The following LMO3 variants were observed in gnomAD, a reference collection of about 807,000 sequenced individuals.
LMO3 encodes LIM domain only 3.
A neutral mutation model predicts 15.8 loss-of-function variants in LMO3; 2 were observed. That is an observed-to-expected ratio of 0.13 (90% CI 0.05 to 0.40). LMO3 has a LOEUF of 0.40. Ranked by LOEUF, LMO3 falls within the 10% of genes least tolerant of loss-of-function variation. The pLI is 0.99. For missense variants in LMO3, 86 were observed against 182.2 expected (o/e 0.47, Z 3.04); for synonymous variants, 62 against 63.8 (o/e 0.97, Z 0.13).
In LMO3 at chr12:16,587,328, T is replaced by C. The variant is rs1591815187; in HGVS notation, c.206+13327A>G. 1.3e-5 allele frequency among the ~76,000 whole-genome samples: 2 copies of C among 152,336 alleles called. No homozygotes were observed. Among genetic ancestry groups the C allele is most frequent in the Admixed American group, 1.3e-4 (2 of 15,290 alleles). On this transcript the variant is annotated intron_variant, in intron 2 of 3. Transcript: ENST00000537304. This position sits in a 1 kb window ranked among gnomAD's most constrained non-coding sequence, Gnocchi z 4.3. ...CACTGCAGTGTTACAGCTTTCTAAA[T>C]GGTAAGTAACTGTTTAAAAATTCCA...
chr12:16,548,642 G>C lies in LMO3; in HGVS notation c.*2580C>G, dbSNP rs1032005132. On this transcript the variant is annotated 3_prime_UTR_variant, in exon 4 of 4. Transcript: ENST00000537304. The surrounding 1 kb of genome is among the most constrained non-coding windows in gnomAD (Gnocchi z 4.2). ...GGCATCAGACAACAAGCTAAATGACGTTAGGGCTACACAACACAAAGGGGA... is the reference window on the plus strand; with the variant it reads ...GGCATCAGACAACAAGCTAAATGACCTTAGGGCTACACAACACAAAGGGGA... The C allele has an allele frequency of 1.3e-5, 2 of 152,192 alleles. No homozygotes were observed. The highest frequency in any genetic ancestry group is 3.9e-4 in the East Asian group (2 of 5,170). 9.4% of individuals were successfully genotyped at this position (152,192 alleles called of 1,614,324 possible). A position where few individuals can be genotyped will look rare whatever the true frequency, so the allele number is the denominator to read the frequency against.
At chr12:16,572,840 G>C (rs1942862066) in intron 2 of LMO3, among the ~76,000 whole-genome samples, 1 of 151,538 alleles carries the variant, frequency 6.6e-6, no homozygotes, top group Non-Finnish European at 1.5e-5. Flanking sequence ...TTTGCTCTAA[G>C]GATACTACAT....
intron 1 of LMO3, chr12:16,602,316 C>G (rs1278755028): frequency 1.0e-5 from 1 of 96,346 alleles, no homozygotes; most frequent in Non-Finnish European, 2.8e-5. Flanking sequence ...CCCATCACAA[C>G]TTTCACAACC....
At chr12:16,574,048 A>C (rs1481264223) in intron 2 of LMO3, 2 of 152,074 alleles carry the variant, frequency 1.3e-5, no homozygotes, top group Non-Finnish European at 2.9e-5. Context: ...CGAAGTAACA[A>C]ATGTGTCCAC....
intron 2 of LMO3, among the ~76,000 whole-genome samples, chr12:16,571,655 C>T (rs1438992569): frequency 1.3e-5 from 2 of 151,964 alleles, no homozygotes; most frequent in African/African-American, 2.4e-5. Context: ...AATGAGAACT[C>T]AAAGGTTTCA....
chr12:16,589,422 G>C lies in LMO3; in HGVS notation c.206+11233C>G, dbSNP rs1034098684. ...CTTTACTTTTACTTGTGACTTCACAGTAAAAAATTAGGTCGTAGTGCAGAT... is the reference window on the plus strand; with the variant it reads ...CTTTACTTTTACTTGTGACTTCACACTAAAAAATTAGGTCGTAGTGCAGAT... On this transcript the variant is annotated intron_variant, in intron 2 of 3. Coordinates refer to ENST00000537304, the MANE Select transcript of LMO3 (RefSeq NM_018640.5). This position sits in a 1 kb window ranked among gnomAD's most constrained non-coding sequence, Gnocchi z 4.2. 3.3e-5 allele frequency: 5 copies of C among 152,046 alleles called. No homozygotes were observed. Among genetic ancestry groups the C allele is most frequent in the Non-Finnish European group, 7.4e-5 (5 of 67,992 alleles). The allele number at this position is 152,046 out of a possible 1,614,324, so 9.4% of individuals were successfully genotyped here.
At position 16,582,964 on chromosome 12, in the gene LMO3, T is replaced by C. The variant is rs1943207338; in HGVS notation, c.206+17691A>G. Among the ~76,000 whole-genome samples the C allele has an allele frequency of 6.6e-6, 1 of 151,218 alleles. No homozygotes were observed. The highest frequency in any genetic ancestry group is 6.6e-5 in the Admixed American group (1 of 15,132). ...CAGGAGGCTAATGCAGGAAAATCTCTTGAAGCTGGGAGGCAGAGGTTGTAG... is the reference window on the plus strand; with the variant it reads ...CAGGAGGCTAATGCAGGAAAATCTCCTGAAGCTGGGAGGCAGAGGTTGTAG... On this transcript the variant is annotated intron_variant, in intron 2 of 3. Transcript: ENST00000537304. This position sits in a 1 kb window ranked among gnomAD's most constrained non-coding sequence, Gnocchi z 4.1.
rs1042036843 is a variant in LMO3 at position 16,591,372 on chromosome 12, T to C, written c.206+9283A>G. Among the ~76,000 whole-genome samples, 2 of 152,046 alleles carry C rather than the reference T, an allele frequency of 1.3e-5. No individual in the cohort carries two copies. Among genetic ancestry groups the C allele is most frequent in the South Asian group, 4.1e-4 (2 of 4,828 alleles). ...AAGTCACCGTCTCAGTGAGGCTGTC[T>C]GCACCCCCTCCACACAAACCAAAAT... On this transcript the variant is annotated intron_variant, in intron 2 of 3. Transcript: ENST00000537304. The surrounding 1 kb of genome is among the most constrained non-coding windows in gnomAD (Gnocchi z 4.1).
intron 2 of LMO3, among the ~76,000 whole-genome samples, chr12:16,573,127 TCA>T (rs1045226245): frequency 3.9e-5 from 6 of 152,072 alleles, no homozygotes; most frequent in African/African-American, 1.2e-4. Flanking sequence ...CTCAGTCAAA[TCA>T]CAGATAGGAA....
chr12:16,565,638 T>C (rs1419420017), intron 2 of LMO3, among the ~76,000 whole-genome samples: 1 of 152,162 alleles, frequency 6.6e-6, no homozygotes, highest in Non-Finnish European at 1.5e-5. Context: ...TTTCTAATTG[T>C]TGCAGTTAGG....
chr12:16,572,418 ATCT>A (rs1435721971), intron 2 of LMO3, among the ~76,000 whole-genome samples: 2 of 109,892 alleles, frequency 1.8e-5, no homozygotes, highest in East Asian at 2.5e-4. Context: ...ATGTGTATCT[ATCT>A]TCTTTATTAA....
At chr12:16,581,737 G>A (rs1034872610) in intron 2 of LMO3, among the ~76,000 whole-genome samples, 4 of 151,864 alleles carry the variant, frequency 2.6e-5, no homozygotes, top group Admixed American at 2.0e-4. Flanking sequence ...TTTTTCAGCA[G>A]AGTTTTCCTT....
At chr12:16,592,610 A>AG (rs1943528672) in intron 2 of LMO3, among the ~76,000 whole-genome samples, 1 of 151,972 alleles carries the variant, frequency 6.6e-6, no homozygotes, top group African/African-American at 2.4e-5. Flanking sequence ...ACAGGTACTG[A>AG]TCCACTCATG....
Position 16,594,704 on chromosome 12 carries a change from G to A in LMO3, c.206+5951C>T, listed in dbSNP as rs1467207190. On this transcript the variant is annotated intron_variant, in intron 2 of 3. Coordinates refer to ENST00000537304, the MANE Select transcript of LMO3 (RefSeq NM_018640.5). ...TAGGTTGGTGCAATTCTTTTTTTAG[G>A]CTATTTCATTTTTATGTGAGGCAGA... Among the ~76,000 whole-genome samples, 3 of 151,466 alleles carry A rather than the reference G, an allele frequency of 2.0e-5. No individual in the cohort carries two copies. In the East Asian group the frequency reaches 5.8e-4, roughly 29 times the overall value.
upstream of LMO3, chr12:16,606,637 C>G (rs1944012530): frequency 6.6e-6 from 1 of 151,994 alleles, no homozygotes. Context: ...CAGCCGCCCT[C>G]GGAAAGTGCA....
rs983308128 is a variant in LMO3, at chr12:16,548,622, C to G, written c.*2600G>C. ...ATCGGAGGTGTCCTACTGGAGGCAT[C>G]AGACAACAAGCTAAATGACGTTAGG... On this transcript the variant is annotated 3_prime_UTR_variant, in exon 4 of 4. Coordinates refer to ENST00000537304, the MANE Select transcript of LMO3 (RefSeq NM_018640.5). This position sits in a 1 kb window ranked among gnomAD's most constrained non-coding sequence, Gnocchi z 4.2. The G allele has an allele frequency of 4.6e-5, 7 of 152,108 alleles. No homozygotes were observed. The highest frequency in any genetic ancestry group is 1.4e-4 in the African/African-American group (6 of 41,428). 9.4% of individuals were successfully genotyped at this position (152,108 alleles called of 1,614,324 possible).
chr12:16,572,816 ATAGG>A (rs1479913569), intron 2 of LMO3, among the ~76,000 whole-genome samples: 1 of 151,470 alleles, frequency 6.6e-6, no homozygotes, highest in Non-Finnish European at 1.5e-5. Flanking sequence ...TTCACAAAAT[ATAGG>A]TTAAAGTAAT....
At position 16,589,072 on chromosome 12, in the gene LMO3, C is replaced by T. The variant is rs918173645; in HGVS notation, c.206+11583G>A. On this transcript the variant is annotated intron_variant, in intron 2 of 3. Coordinates refer to ENST00000537304, the MANE Select transcript of LMO3 (RefSeq NM_018640.5). This position sits in a 1 kb window ranked among gnomAD's most constrained non-coding sequence, Gnocchi z 4.2. ...AAGCTGGGGTGTAGCAGAAGGGGGT[C>T]GACGTCAGGTCTGGATACCTCACCG... Among the ~76,000 whole-genome samples, 19 of 152,002 alleles carry T rather than the reference C, an allele frequency of 1.2e-4. No homozygotes were observed. The highest frequency in any genetic ancestry group is 1.6e-4 in the Non-Finnish European group (11 of 67,982).
chr12:16,556,963 A>G (rs1203026337), intron 3 of LMO3, among the ~76,000 whole-genome samples: 1 of 152,202 alleles, frequency 6.6e-6, no homozygotes, highest in Non-Finnish European at 1.5e-5. Flanking sequence ...TGATACTAGA[A>G]TAGTATTTCG....
Sources: allele counts gnomAD v4.1 joint callset (sites outside exome capture counted in the v4.1 genomes callset), GRCh38; gene constraint gnomAD v4.1.1; non-coding constraint Gnocchi (gnomAD v3.1); transcripts MANE v1.5; gene names NCBI Gene and HGNC (gene_info 2026-07-23, HGNC 2026-07-21).